The following NIPSNAP2 variants were observed in gnomAD, a reference collection of about 807,000 sequenced individuals.
The protein encoded by NIPSNAP2 is protein NipSnap homolog 2.
A neutral mutation model predicts 48.4 loss-of-function variants in NIPSNAP2; 42 were observed. The ratio of observed to expected loss-of-function variants is 0.87; its 90% CI spans 0.68 to 1.12. The LOEUF (loss-of-function observed/expected upper bound fraction) is 1.12, where lower values mean the gene tolerates loss of function less well. Ranked by LOEUF, NIPSNAP2 falls within the 50% of genes most tolerant of loss-of-function variation. The pLI, the probability that NIPSNAP2 is intolerant of heterozygous loss-of-function variation, is 0.00. For synonymous variants in NIPSNAP2, 158 were observed against 126.6 expected, an observed-to-expected ratio of 1.25 and a Z score of -1.67; for missense variants, 314 against 347.3, an observed-to-expected ratio of 0.90 and a Z score of 0.76.
intron 1 of NIPSNAP2, among the ~76,000 whole-genome samples, chr7:55,968,265 A>T (rs992898967): frequency 1.3e-5 from 2 of 152,130 alleles, no homozygotes; most frequent in African/African-American, 4.8e-5. Flanking sequence ...GATATTAGAT[A>T]TGATGGAATA....
Position 55,982,237 on chromosome 7 carries a change from A to G in NIPSNAP2, c.401A>G (p.Tyr134Cys). Residue 134 changes from tyrosine (Y) to cysteine (C), a missense_variant, in exon 5 of 10, where the codon TAT (tyrosine) becomes TGT (cysteine). Around this residue, in one of 2 missense-constraint regions of NIPSNAP2, gnomAD observed 198 missense variants for 185.5 expected, o/e 1.07. Transcript: ENST00000322090. ...AVHLWRYEGG[Y>C]PALTEVMNKL... ...CACCTCTGGAGGTATGAAGGAGGCTATCCAGCCCTCACAGAAGTCATGAAT... is the reference window on the plus strand; with the variant it reads ...CACCTCTGGAGGTATGAAGGAGGCTGTCCAGCCCTCACAGAAGTCATGAAT... 1.9e-6 allele frequency: 3 copies of G among 1,610,398 alleles called. No individual in the cohort carries two copies. Among genetic ancestry groups the G allele is most frequent in the South Asian group, 2.2e-5 (2 of 90,920 alleles).
intron 1 of NIPSNAP2, among the ~76,000 whole-genome samples, chr7:55,976,457 G>A (rs561608553): frequency 2.0e-5 from 3 of 152,274 alleles, no homozygotes; most frequent in Non-Finnish European, 2.9e-5. Context: ...GGACATAACC[G>A]CAAGTGTCAT....
At chr7:55,972,592 C>T (rs1313419858) in intron 1 of NIPSNAP2, among the ~76,000 whole-genome samples, 6 of 151,698 alleles carry the variant, frequency 4.0e-5, no homozygotes, top group African/African-American at 1.5e-4. Context: ...GCCACCATGC[C>T]TGGCTAATTT....
rs1562771305 is a variant in NIPSNAP2 at position 55,999,663 on chromosome 7, A to G, written c.*591A>G. 1 of 152,530 alleles carries G rather than the reference A, an allele frequency of 6.6e-6. No individual in the cohort carries two copies. Among genetic ancestry groups the G allele is most frequent in the Non-Finnish European group, 1.5e-5 (1 of 68,094 alleles). The allele number at this position is 152,530 out of a possible 1,614,324, so 9.4% of individuals were successfully genotyped here. On this transcript the variant is annotated 3_prime_UTR_variant, in exon 10 of 10. Transcript: ENST00000322090. ...CTGGGCAAGGTACATTTAATCAGTA[A>G]ATCAGTTTCACATCATGTATTGTGA... is the stretch of plus-strand genomic sequence containing the variant.
chr7:55,996,034 T>C (rs1584353071), intron 8 of NIPSNAP2, among the ~76,000 whole-genome samples: 1 of 152,112 alleles, frequency 6.6e-6, no homozygotes, highest in East Asian at 1.9e-4. Context: ...ACGCCTATAA[T>C]CCCAGCACTT....
At position 55,999,319 on chromosome 7, in the gene NIPSNAP2, CACTG is replaced by C. The variant is rs1351329164; in HGVS notation, c.*249_*252del. The C allele has an allele frequency of 1.4e-5, 6 of 432,130 alleles. No homozygotes were observed. Among genetic ancestry groups the C allele is most frequent in the Admixed American group, 4.4e-5 (1 of 22,556 alleles). 26.8% of individuals were successfully genotyped at this position (432,130 alleles called of 1,614,324 possible). On this transcript the variant is annotated 3_prime_UTR_variant, in exon 10 of 10. Transcript: ENST00000322090. ...CCGTGTTGTCCAGTATACCTTATAA[CACTG>C]AGCCACTTCTCCCCACCCTCCAGAA...
In NIPSNAP2 at chr7:55,964,862, G is replaced by T. The variant is rs1786857101; in HGVS notation, c.92+161G>T. The T allele has an allele frequency of 1.7e-5, 4 of 232,962 alleles. No homozygotes were observed. The East Asian group carries it at 4.1e-4, about 24-fold the overall frequency. The allele number at this position is 232,962 out of a possible 1,614,324, so 14.4% of individuals were successfully genotyped here. ...CCGGAGCTGGGGTGGGGCCGGAGCT[G>T]GGGCGGGGTCGGGGCGTCCTCGGGC... On this transcript the variant is annotated intron_variant, in intron 1 of 9. Transcript: ENST00000322090.
rs1446944703 is a variant in NIPSNAP2, at chr7:55,978,172, A to G, written c.139A>G (p.Lys47Glu). The G allele has an allele frequency of 6.2e-7, 1 of 1,614,044 alleles. No homozygotes were observed. Among genetic ancestry groups the G allele is most frequent in the Non-Finnish European group, 8.5e-7 (1 of 1,180,042 alleles). The stretch of plus-strand genomic sequence containing the variant: ...CAGATCTCGAGAAGACAGCTGGCTA[A>G]AATCCTTATTTGTCCGGAAAGTTGA... The part of the protein sequence containing the change: ...SNRSREDSWL[K>E]SLFVRKVDPR... Residue 47 changes from lysine to glutamate, a missense_variant, in exon 2 of 10, where the codon AAA becomes GAA. Coordinates refer to ENST00000322090, the MANE Select transcript of NIPSNAP2 (RefSeq NM_001483.3).
Position 55,999,851 on chromosome 7 carries a change from G to T in NIPSNAP2, c.*779G>T, listed in dbSNP as rs1041768775. 6.6e-6 allele frequency: 1 copy of T among 152,584 alleles called. No individual in the cohort carries two copies. The highest frequency in any genetic ancestry group is 2.4e-5 in the African/African-American group (1 of 41,448). The allele number at this position is 152,584 out of a possible 1,614,324, so 9.5% of individuals were successfully genotyped here. A position where few individuals can be genotyped will look rare whatever the true frequency, so the allele number is the denominator to read the frequency against. On this transcript the variant is annotated 3_prime_UTR_variant, in exon 10 of 10. Transcript: ENST00000322090. ...TTTTATTTTGTAAACGATCATTTGTGACCTCAGACACTCTCTGGCTAATAT... is the reference window on the plus strand; with the variant it reads ...TTTTATTTTGTAAACGATCATTTGTTACCTCAGACACTCTCTGGCTAATAT...
intron 7 of NIPSNAP2, among the ~76,000 whole-genome samples, chr7:55,986,983 T>TTAAAA (rs1554343490): frequency 8.9e-4 from 49 of 54,798 alleles, no homozygotes; most frequent in East Asian, 8.1e-3. Flanking sequence ...CCTGTCTCTA[T>TTAAAA]AAAAAAAAAA....
intron 6 of NIPSNAP2, 22 bp from the exon 7 acceptor site, chr7:55,984,825 C>G (rs1369498028): frequency 4.4e-6 from 7 of 1,597,824 alleles, no homozygotes; most frequent in Non-Finnish European, 5.1e-6. Context: ...AACTAACAAA[C>G]CAAATCTAAA....
At chr7:55,981,631 T>G (rs1226807671) in intron 4 of NIPSNAP2, 64 bp downstream of exon 4, 4 of 1,054,778 alleles carry the variant, frequency 3.8e-6, no homozygotes, top group Non-Finnish European at 5.7e-6. Flanking sequence ...CTTAAGTAAT[T>G]TTCTAATTTA....
At chr7:55,976,510 G>A (rs1787110322) in intron 1 of NIPSNAP2, among the ~76,000 whole-genome samples, 1 of 152,216 alleles carries the variant, frequency 6.6e-6, no homozygotes, top group Non-Finnish European at 1.5e-5. Context: ...TGATATGGAT[G>A]ATGCCACACT....
intron 1 of NIPSNAP2, among the ~76,000 whole-genome samples, chr7:55,973,927 A>G (rs907496193): frequency 1.3e-5 from 2 of 152,206 alleles, no homozygotes; most frequent in South Asian, 2.1e-4. Flanking sequence ...TGTTTGTTCA[A>G]GAAAGCAGCA....
At chr7:55,970,034 C>T (rs1357279828) in intron 1 of NIPSNAP2, among the ~76,000 whole-genome samples, 2 of 151,748 alleles carry the variant, frequency 1.3e-5, no homozygotes, top group African/African-American at 4.8e-5. Context: ...TGTGCTCCTG[C>T]TGCCTCATCC....
chr7:55,998,705 T>C (rs1787619999), intron 9 of NIPSNAP2, among the ~76,000 whole-genome samples: 1 of 152,016 alleles, frequency 6.6e-6, no homozygotes, highest in Non-Finnish European at 1.5e-5. Context: ...TTCACCCTGT[T>C]GGCCAGGATG....
chr7:55,968,080 G>A (rs1426570032), intron 1 of NIPSNAP2, among the ~76,000 whole-genome samples: 4 of 152,092 alleles, frequency 2.6e-5, no homozygotes, highest in Admixed American at 1.3e-4. Context: ...GTGAGCCATT[G>A]TGCCCAGCCA....
rs150755940 is a variant in NIPSNAP2 at position 55,988,634 on chromosome 7, G to A, written c.617+3756G>A. 1.3e-4 allele frequency among the ~76,000 whole-genome samples: 20 copies of A among 152,168 alleles called. No homozygotes were observed. In the East Asian group the frequency reaches 3.3e-3, roughly 25 times the overall value. On this transcript the variant is annotated intron_variant, in intron 7 of 9. Transcript: ENST00000322090. The stretch of plus-strand genomic sequence containing the variant: ...CAGCACTTAACGAGGCTGAGGGCGC[G>A]GATCACCTGAGGTCAAGAATTCGAG...
intron 9 of NIPSNAP2, among the ~76,000 whole-genome samples, chr7:55,997,977 A>C (rs144185440): frequency 1.4e-4 from 21 of 152,316 alleles, no homozygotes; most frequent in Non-Finnish European, 2.6e-4. Flanking sequence ...GGCTGAATGT[A>C]ACCCAGTGGC....
Sources: allele counts gnomAD v4.1 joint callset (sites outside exome capture counted in the v4.1 genomes callset), GRCh38; gene constraint gnomAD v4.1.1; regional missense constraint gnomAD v4.1.1; transcripts MANE v1.5; gene names NCBI Gene and HGNC (gene_info 2026-07-23, HGNC 2026-07-21).